Variants in SPON1 observed in about 807,000 individuals in gnomAD.
SPON1 encodes spondin-1.
SPON1 carries 52 observed loss-of-function variants against 111.7 expected under a neutral mutation model. The ratio of observed to expected loss-of-function variants is 0.47; its 90% CI spans 0.37 to 0.59. The LOEUF (loss-of-function observed/expected upper bound fraction) is 0.59, where lower values mean the gene tolerates loss of function less well. SPON1 is among the 20% of genes least tolerant of loss of function. SPON1 has a pLI of 0.00. For synonymous variants in SPON1, 410 were observed against 395.8 expected, an observed-to-expected ratio of 1.04 and a Z score of -0.43; for missense variants, 957 against 1,068.5, an observed-to-expected ratio of 0.90 and a Z score of 1.46.
chr11:14,041,416 A>G, intron 2 of SPON1, 105 bp from the exon 3 acceptor site: 7 of 1,378,072 alleles, frequency 5.1e-6, no homozygotes, highest in Non-Finnish European at 5.0e-6. Context: ...TTGCTAACAT[A>G]AAATGATAAG....
At chr11:14,173,441 TC>T (rs1848133036) in intron 6 of SPON1, among the ~76,000 whole-genome samples, 1 of 152,154 alleles carries the variant, frequency 6.6e-6, no homozygotes. Context: ...GGTTCGAACT[TC>T]CTCCTTTAGC....
At chr11:14,129,687 A>C (rs1482139876) in intron 5 of SPON1, among the ~76,000 whole-genome samples, 2 of 152,090 alleles carry the variant, frequency 1.3e-5, no homozygotes, top group Admixed American at 1.3e-4. Context: ...GCAGTGCCCC[A>C]CTTTGGGTAC....
intron 3 of SPON1, among the ~76,000 whole-genome samples, chr11:14,055,837 T>C (rs1490877334): frequency 2.0e-5 from 3 of 152,242 alleles, no homozygotes; most frequent in Non-Finnish European, 4.4e-5. Context: ...GGTTGGCTGC[T>C]CTTAGGCCCA....
chr11:13,973,804 G>A (rs1848081436), intron 1 of SPON1, among the ~76,000 whole-genome samples: 1 of 152,202 alleles, frequency 6.6e-6, no homozygotes, highest in Non-Finnish European at 1.5e-5. Flanking sequence ...GAGAGCTTGA[G>A]TAACTTGCCC....
intron 9 of SPON1, 109 bp downstream of exon 9, chr11:14,255,896 A>C: frequency 1.4e-5 from 17 of 1,204,890 alleles, no homozygotes; most frequent in Non-Finnish European, 1.8e-5. Flanking sequence ...AAAGCACCTC[A>C]GGATATGGAA....
At chr11:14,103,402 A>G (rs1248206525) in intron 5 of SPON1, among the ~76,000 whole-genome samples, 1 of 152,184 alleles carries the variant, frequency 6.6e-6, no homozygotes, top group Non-Finnish European at 1.5e-5. Context: ...GAATAGGAAT[A>G]GAGCTGGCCT....
In SPON1 at chr11:14,091,924, C is replaced by T. The variant is rs544757478; in HGVS notation, c.676+11903C>T. Among the ~76,000 whole-genome samples the T allele has an allele frequency of 4.2e-5, 6 of 144,132 alleles. No individual in the cohort carries two copies. In the South Asian group the frequency reaches 9.7e-4, roughly 23 times the overall value. 94.6% of individuals were successfully genotyped at this position (144,132 alleles called of 152,430 possible). A position where few individuals can be genotyped will look rare whatever the true frequency, so the allele number is the denominator to read the frequency against. On this transcript the variant is annotated intron_variant, in intron 5 of 15. Coordinates refer to ENST00000576479, the MANE Select transcript of SPON1 (RefSeq NM_006108.4). ...CACGGCTTCCTTTTGCTGGGGGTGG[C>T]GGGGCGGGGGAGGCCCCCAGCTGCT...
chr11:14,194,528 TCACACACACA>T (rs372569370), intron 6 of SPON1, among the ~76,000 whole-genome samples: 26 of 106,888 alleles, frequency 2.4e-4, no homozygotes, highest in South Asian at 9.2e-4. Context: ...TAGGCCTACT[TCACACACACA>T]CACACACACA....
intron 1 of SPON1, among the ~76,000 whole-genome samples, chr11:13,970,173 G>C (rs1239669052): frequency 6.6e-6 from 1 of 152,168 alleles, no homozygotes; most frequent in Non-Finnish European, 1.5e-5. Context: ...AGCTCCTGCT[G>C]GTATAAAATG....
chr11:13,984,508 T>A lies in SPON1; in HGVS notation c.345+1555T>A, dbSNP rs149760194. Among the ~76,000 whole-genome samples, 7 of 151,866 alleles carry A rather than the reference T, an allele frequency of 4.6e-5. No individual in the cohort carries two copies. In the East Asian group the frequency reaches 1.4e-3, roughly 29 times the overall value. On this transcript the variant is annotated intron_variant, in intron 2 of 15. Transcript: ENST00000576479. ...TAAGAGAAGGTGAGAGCAAGAGGGG[T>A]CCAAACTCACCTTTATAACAAATCC...
chr11:14,237,782 G>T (rs1554939338), intron 6 of SPON1, among the ~76,000 whole-genome samples: 1 of 152,248 alleles, frequency 6.6e-6, no homozygotes, highest in Non-Finnish European at 1.5e-5. Flanking sequence ...AACTTTCAGT[G>T]TTGTGAACAT....
At chr11:14,043,320 G>A (rs1340886372) in intron 3 of SPON1, among the ~76,000 whole-genome samples, 5 of 152,186 alleles carry the variant, frequency 3.3e-5, no homozygotes, top group African/African-American at 1.2e-4. Flanking sequence ...TACAAGTGGA[G>A]CATCTTATGT....
intron 2 of SPON1, among the ~76,000 whole-genome samples, chr11:14,009,673 A>G (rs948837280): frequency 2.6e-5 from 4 of 152,214 alleles, no homozygotes; most frequent in African/African-American, 9.6e-5. Flanking sequence ...TGATTTACAA[A>G]CAACAGAATT....
chr11:14,148,453 GTAAT>G (rs1220177555), intron 6 of SPON1, among the ~76,000 whole-genome samples: 3 of 149,132 alleles, frequency 2.0e-5, no homozygotes, highest in Non-Finnish European at 4.5e-5. Flanking sequence ...TATTCAAAAA[GTAAT>G]TATTTTATAG....
chr11:13,986,587 T>A (rs1554910389), intron 2 of SPON1, among the ~76,000 whole-genome samples: 8 of 152,122 alleles, frequency 5.3e-5, no homozygotes. Flanking sequence ...TATTCTTTTT[T>A]TTTTTTTTAA....
chr11:13,969,470 TTCTC>T (rs1554908378), intron 1 of SPON1, among the ~76,000 whole-genome samples: 1 of 152,038 alleles, frequency 6.6e-6, no homozygotes, highest in African/African-American at 2.4e-5. Context: ...TCATTCTCCT[TTCTC>T]AATAAAAGAG....
chr11:14,129,257 G>A (rs1487513164), intron 5 of SPON1, among the ~76,000 whole-genome samples: 1 of 151,728 alleles, frequency 6.6e-6, no homozygotes, highest in Non-Finnish European at 1.5e-5. Context: ...TCCAATTTCA[G>A]ACCATCTCTT....
At chr11:14,154,433 C>T (rs925349189) in intron 6 of SPON1, among the ~76,000 whole-genome samples, 16 of 152,246 alleles carry the variant, frequency 1.1e-4, no homozygotes, top group African/African-American at 3.4e-4. Context: ...GGAGCTGTGA[C>T]CTGAGACATA....
intron 1 of SPON1, among the ~76,000 whole-genome samples, chr11:13,981,500 G>C (rs1554909634): frequency 6.6e-6 from 1 of 152,144 alleles, no homozygotes; most frequent in Non-Finnish European, 1.5e-5. Flanking sequence ...CTAATTGTTT[G>C]TATTTTTAGT....
Sources: gnomAD v4.1 joint callset for allele counts (sites outside exome capture counted in the v4.1 genomes callset) on GRCh38, gnomAD v4.1.1 for gene constraint, MANE v1.5 for transcripts, NCBI Gene and HGNC (gene_info 2026-07-23, HGNC 2026-07-21) for gene names.